Variants in CNTN5 observed in about 807,000 individuals in gnomAD.
CNTN5 encodes contactin 5.
A neutral mutation model predicts 129.1 loss-of-function variants in CNTN5; 77 were observed. The observed-to-expected ratio is 0.60, with a 90% CI of 0.50 to 0.72. The LOEUF is 0.72. Ranked by LOEUF, CNTN5 falls within the 30% of genes least tolerant of loss-of-function variation. The probability of loss-of-function intolerance (pLI) is 0.00; values close to 1 mark genes in which losing one functional copy is unlikely to be tolerated. For synonymous variants in CNTN5, 509 were observed against 465.6 expected (o/e 1.09, Z -1.20); for missense variants, 1,478 against 1,328.8 (o/e 1.11, Z -1.75).
intron 1 of CNTN5, among the ~76,000 whole-genome samples, chr11:99,224,260 C>T (rs916485707): frequency 2.6e-5 from 4 of 152,040 alleles, no homozygotes; most frequent in Admixed American, 1.3e-4. Flanking sequence ...TTACGTATTT[C>T]GATGTTATAC....
intron 3 of CNTN5, among the ~76,000 whole-genome samples, chr11:99,814,356 A>G (rs541829467): frequency 1.3e-5 from 2 of 152,310 alleles, no homozygotes; most frequent in South Asian, 4.1e-4. Flanking sequence ...AAGGTCAGAA[A>G]GGTATGGGTT....
chr11:99,219,233 G>A (rs930928895), intron 1 of CNTN5, among the ~76,000 whole-genome samples: 20 of 151,738 alleles, frequency 1.3e-4, no homozygotes, highest in Non-Finnish European at 2.9e-4. Flanking sequence ...TTAACATTCT[G>A]GAAGTATATT....
At chr11:100,081,455 G>T (rs1042952673) in intron 13 of CNTN5, among the ~76,000 whole-genome samples, 1 of 152,094 alleles carries the variant, frequency 6.6e-6, no homozygotes, top group Admixed American at 6.6e-5. Context: ...TTCAGAAATT[G>T]CATCTTACTA....
intron 3 of CNTN5, among the ~76,000 whole-genome samples, chr11:99,572,488 C>T (rs1949206934): frequency 6.6e-6 from 1 of 152,032 alleles, no homozygotes; most frequent in Non-Finnish European, 1.5e-5. Flanking sequence ...TTTTAGTTTG[C>T]CTAAGTGTCC....
At chr11:99,249,471 G>A (rs1861988712) in intron 1 of CNTN5, among the ~76,000 whole-genome samples, 1 of 152,014 alleles carries the variant, frequency 6.6e-6, no homozygotes, top group East Asian at 1.9e-4. Flanking sequence ...TAATAGCTGT[G>A]ACCATTGAAC....
chr11:99,111,291 T>A (rs1485502233), intron 1 of CNTN5, among the ~76,000 whole-genome samples: 1 of 151,982 alleles, frequency 6.6e-6, no homozygotes, highest in African/African-American at 2.4e-5. Context: ...GTGGTGTGTG[T>A]TTGTGTGTGT....
intron 3 of CNTN5, among the ~76,000 whole-genome samples, chr11:99,635,656 A>G (rs1951523950): frequency 6.6e-6 from 1 of 151,836 alleles, no homozygotes; most frequent in African/African-American, 2.4e-5. Flanking sequence ...TTTATCAGCT[A>G]TGTGTATAGG....
At chr11:99,434,255 T>C (rs776617802) in intron 2 of CNTN5, among the ~76,000 whole-genome samples, 1 of 152,184 alleles carries the variant, frequency 6.6e-6, no homozygotes, top group Non-Finnish European at 1.5e-5. Flanking sequence ...TTCCATGTCA[T>C]GCAGCATGTT....
chr11:99,429,085 T>C (rs1452172728), intron 2 of CNTN5, among the ~76,000 whole-genome samples: 1 of 152,188 alleles, frequency 6.6e-6, no homozygotes, highest in Non-Finnish European at 1.5e-5. Context: ...ATCTAATGTA[T>C]AATAATGTAT....
intron 1 of CNTN5, among the ~76,000 whole-genome samples, chr11:99,066,347 G>A (rs1167677068): frequency 6.6e-6 from 1 of 151,898 alleles, no homozygotes; most frequent in Non-Finnish European, 1.5e-5. Flanking sequence ...CAGGCAGTCT[G>A]CCTGCCTTGA....
intron 2 of CNTN5, among the ~76,000 whole-genome samples, chr11:99,342,592 A>C (rs992138401): frequency 2.1e-5 from 3 of 140,026 alleles, no homozygotes; most frequent in Admixed American, 7.1e-5. Flanking sequence ...AAAAAAAAAA[A>C]AAAAAAAAAA....
At chr11:100,232,440 A>G (rs904552610) in intron 16 of CNTN5, among the ~76,000 whole-genome samples, 1 of 152,198 alleles carries the variant, frequency 6.6e-6, no homozygotes, top group African/African-American at 2.4e-5. Flanking sequence ...GAAGTAAATG[A>G]TGGCCTTGGC....
intron 2 of CNTN5, among the ~76,000 whole-genome samples, chr11:99,487,871 C>T (rs1478885461): frequency 1.3e-5 from 2 of 152,110 alleles, no homozygotes; most frequent in African/African-American, 2.4e-5. Flanking sequence ...TGAGTTTGTA[C>T]GTGCCACATA....
At chr11:99,833,365 A>T (rs1281491092) in intron 4 of CNTN5, among the ~76,000 whole-genome samples, 1 of 152,124 alleles carries the variant, frequency 6.6e-6, no homozygotes, top group Non-Finnish European at 1.5e-5. Context: ...TAACTTTATG[A>T]TGGTGTGAAA....
At chr11:99,983,585 TAGG>T (rs1938486742) in intron 8 of CNTN5, among the ~76,000 whole-genome samples, 1 of 152,090 alleles carries the variant, frequency 6.6e-6, no homozygotes, top group Admixed American at 6.5e-5. Flanking sequence ...CTAGTAGTAG[TAGG>T]AGGAGAACAG....
At chr11:99,690,192 TC>T (rs1953981335) in intron 3 of CNTN5, among the ~76,000 whole-genome samples, 1 of 152,192 alleles carries the variant, frequency 6.6e-6, no homozygotes. Context: ...GGGAATCCTT[TC>T]CCCATTGCTT....
intron 3 of CNTN5, among the ~76,000 whole-genome samples, chr11:99,724,385 C>T (rs1035567252): frequency 6.6e-6 from 1 of 152,136 alleles, no homozygotes; most frequent in African/African-American, 2.4e-5. Flanking sequence ...GGCAGATCAT[C>T]AGCTCCTTTG....
chr11:99,704,361 T>C (rs1954662033), intron 3 of CNTN5, among the ~76,000 whole-genome samples: 1 of 151,056 alleles, frequency 6.6e-6, no homozygotes, highest in East Asian at 1.9e-4. Flanking sequence ...GACTTTTAAT[T>C]TTTTTCTTTT....
chr11:100,261,173 A>G (rs929812772), intron 17 of CNTN5, among the ~76,000 whole-genome samples: 1 of 152,326 alleles, frequency 6.6e-6, no homozygotes, highest in East Asian at 1.9e-4. Context: ...AGAGAGCCAA[A>G]TCATGAGTGA....
Sources: gnomAD v4.1 joint callset for allele counts (sites outside exome capture counted in the v4.1 genomes callset) on GRCh38, gnomAD v4.1.1 for gene constraint, MANE v1.5 for transcripts, NCBI Gene and HGNC (gene_info 2026-07-23, HGNC 2026-07-21) for gene names.